ADGRL2: variants seen among roughly 807,000 people sequenced by gnomAD.
The protein encoded by ADGRL2 is calcium-independent alpha-latrotoxin receptor 2.
Under a neutral mutation model 157.4 loss-of-function variants are expected in ADGRL2, and 44 were observed. The ratio of observed to expected loss-of-function variants is 0.28; its 90% CI spans 0.22 to 0.36. The LOEUF (loss-of-function observed/expected upper bound fraction) is 0.36. Among genes scored for constraint, ADGRL2 ranks in the 10% least tolerant of loss-of-function variants. ADGRL2 has a pLI of 1.00. For missense variants in ADGRL2, 1,510 were observed against 1,768.9 expected, an observed-to-expected ratio of 0.85 and a Z score of 2.63; for synonymous variants, 585 against 624.7, an observed-to-expected ratio of 0.94 and a Z score of 0.95.
chr1:81,663,090 A>G, intron 3 of ADGRL2, among the ~76,000 whole-genome samples: 1 of 17,184 alleles, frequency 5.8e-5, no homozygotes, highest in Admixed American at 7.9e-4. Context: ...CACTCCTCCC[A>G]CCACTGTAAG....
At chr1:81,329,441 T>G (rs774792046) in intron 1 of ADGRL2, among the ~76,000 whole-genome samples, 4 of 152,154 alleles carry the variant, frequency 2.6e-5, no homozygotes, top group Non-Finnish European at 5.9e-5. Context: ...GAATAAATAT[T>G]AGGTGAACAA....
intron 2 of ADGRL2, among the ~76,000 whole-genome samples, chr1:81,856,070 G>A (rs769560200): frequency 6.6e-6 from 1 of 152,164 alleles, no homozygotes. Flanking sequence ...TCCTTGTGGA[G>A]TTTGGAAGGT....
chr1:81,941,589 AGTTT>A (rs1648021073), intron 4 of ADGRL2, among the ~76,000 whole-genome samples: 1 of 151,842 alleles, frequency 6.6e-6, no homozygotes. Context: ...ATCTAAAGTT[AGTTT>A]AATAATTGAG....
At chr1:81,879,528 A>C (rs2093931735) in intron 2 of ADGRL2, among the ~76,000 whole-genome samples, 1 of 152,154 alleles carries the variant, frequency 6.6e-6, no homozygotes, top group Middle Eastern at 3.4e-3. Context: ...AAAAAAAAAA[A>C]ACAACTTAAA....
chr1:81,508,648 C>T (rs1407851904), intron 2 of ADGRL2, among the ~76,000 whole-genome samples: 1 of 152,184 alleles, frequency 6.6e-6, no homozygotes, highest in African/African-American at 2.4e-5. Context: ...AAGTGCCAGG[C>T]CCTACCTACA....
At chr1:81,865,715 A>G (rs1474930157) in intron 2 of ADGRL2, among the ~76,000 whole-genome samples, 5 of 152,160 alleles carry the variant, frequency 3.3e-5, no homozygotes, top group Admixed American at 3.3e-4. Flanking sequence ...AGGGAAGCAG[A>G]GGAGAGGGCT....
chr1:81,377,889 C>A (rs151095755), intron 1 of ADGRL2, among the ~76,000 whole-genome samples: 243 of 152,134 alleles, frequency 1.6e-3, no homozygotes, highest in African/African-American at 5.5e-3. Context: ...ATATTGAATA[C>A]CACGGGTGGT....
intron 2 of ADGRL2, among the ~76,000 whole-genome samples, chr1:81,868,060 G>GGTGT (rs145794673): frequency 0.31 from 45,754 of 145,506 alleles, 6,989 homozygotes; most frequent in Non-Finnish European, 0.34. Flanking sequence ...GTGTGTGTGT[G>GGTGT]GTGTGTGTGT....
At chr1:81,969,520 A>G in intron 15 of ADGRL2, 133 bp downstream of exon 15, 3 of 609,560 alleles carry the variant, frequency 4.9e-6, no homozygotes, top group Admixed American at 6.4e-5. Flanking sequence ...TTGAAAGACA[A>G]TTTGTAGTAA....
intron 1 of ADGRL2, among the ~76,000 whole-genome samples, chr1:81,399,779 A>T (rs1156778443): frequency 6.6e-6 from 1 of 152,112 alleles, no homozygotes; most frequent in Non-Finnish European, 1.5e-5. Context: ...CCAGCAATTC[A>T]TAGTTTCCTT....
Position 81,891,959 on chromosome 1 carries a change from A to AGTGTGTGT in ADGRL2, c.74-15041_74-15034dup, listed in dbSNP as rs3221626. ...CAGAACATAATAAGTGTGGCTAATA[A>AGTGTGTGT]GTGTGTGTGTGTGTGTGTGTGTGTA... On this transcript the variant is annotated intron_variant, in intron 2 of 23. Coordinates refer to ENST00000686636, the MANE Select transcript of ADGRL2 (RefSeq NM_001366006.2). Among the ~76,000 whole-genome samples the AGTGTGTGT allele has an allele frequency of 2.1e-4, 31 of 149,474 alleles. No homozygotes were observed. In the East Asian group the frequency reaches 2.2e-3, roughly 10 times the overall value.
intron 1 of ADGRL2, among the ~76,000 whole-genome samples, chr1:81,810,261 T>C (rs2089688777): frequency 6.6e-6 from 1 of 151,946 alleles, no homozygotes. Flanking sequence ...AAATTTTTAG[T>C]TGATACAATA....
intron 2 of ADGRL2, among the ~76,000 whole-genome samples, chr1:81,578,330 A>G (rs2080837870): frequency 6.6e-6 from 1 of 152,148 alleles, no homozygotes; most frequent in African/African-American, 2.4e-5. Flanking sequence ...ATGACTAGTG[A>G]TTGGAAACTA....
intron 1 of ADGRL2, among the ~76,000 whole-genome samples, chr1:81,718,809 T>A (rs2149111268): frequency 6.6e-6 from 1 of 152,310 alleles, no homozygotes; most frequent in Non-Finnish European, 1.5e-5. Flanking sequence ...AACAGAATAT[T>A]TTTCTATTAC....
At chr1:81,307,315 T>G (rs562565246) in intron 1 of ADGRL2, among the ~76,000 whole-genome samples, 17 of 152,352 alleles carry the variant, frequency 1.1e-4, no homozygotes, top group South Asian at 4.1e-4. Context: ...TGGTGATTTA[T>G]GTAAGCAATT....
intron 3 of ADGRL2, among the ~76,000 whole-genome samples, chr1:81,931,379 T>C (rs1036327929): frequency 3.9e-5 from 6 of 152,164 alleles, no homozygotes; most frequent in African/African-American, 1.4e-4. Flanking sequence ...TCAGGTTGAG[T>C]GTTGTACTCT....
chr1:81,559,915 C>A (rs1476736247), intron 2 of ADGRL2, among the ~76,000 whole-genome samples: 1 of 152,108 alleles, frequency 6.6e-6, no homozygotes, highest in Non-Finnish European at 1.5e-5. Context: ...TAATACTCTA[C>A]CTTTGGACTT....
At chr1:81,846,058 G>T (rs1274546899) in intron 2 of ADGRL2, among the ~76,000 whole-genome samples, 1 of 151,692 alleles carries the variant, frequency 6.6e-6, no homozygotes, top group Non-Finnish European at 1.5e-5. Flanking sequence ...TTTATAAGGG[G>T]AAATCTAAGG....
At chr1:81,935,838 A>ATCAT (rs1400827358) in intron 3 of ADGRL2, among the ~76,000 whole-genome samples, 1 of 151,954 alleles carries the variant, frequency 6.6e-6, no homozygotes, top group Non-Finnish European at 1.5e-5. Flanking sequence ...GAATGTACAT[A>ATCAT]TCATTTTATC....
Sources: gnomAD v4.1 joint callset for allele counts (sites outside exome capture counted in the v4.1 genomes callset) on GRCh38, gnomAD v4.1.1 for gene constraint, MANE v1.5 for transcripts, NCBI Gene and HGNC (gene_info 2026-07-23, HGNC 2026-07-21) for gene names.